The following VTI1A variants were observed in gnomAD, a reference collection of about 807,000 sequenced individuals.
The protein encoded by VTI1A is vesicle transport through interaction with t-SNAREs homolog 1A.
Under a neutral mutation model 34.9 loss-of-function variants are expected in VTI1A, and 22 were observed. The observed-to-expected ratio is 0.63, with a 90% CI of 0.45 to 0.90. VTI1A has a LOEUF of 0.90. Among genes scored for constraint, VTI1A ranks in the 40% least tolerant of loss-of-function variants. VTI1A has a pLI of 0.00. For missense variants in VTI1A, 268 were observed against 275.6 expected (o/e 0.97, Z 0.20); for synonymous variants, 87 against 97.3 (o/e 0.89, Z 0.62).
intron 5 of VTI1A, among the ~76,000 whole-genome samples, chr10:112,612,298 G>T (rs1845348373): frequency 6.6e-6 from 1 of 152,142 alleles, no homozygotes; most frequent in Non-Finnish European, 1.5e-5. Context: ...TAGAACAATA[G>T]TTTTCAGTCT....
chr10:112,588,230 C>G (rs918093493), intron 5 of VTI1A, among the ~76,000 whole-genome samples: 8 of 151,598 alleles, frequency 5.3e-5, no homozygotes, highest in African/African-American at 1.9e-4. Context: ...TGGCCTAGAG[C>G]AAAAAGCAAT....
chr10:112,527,204 G>A (rs1459963608), intron 4 of VTI1A, 40 bp downstream of exon 4: 1 of 1,588,020 alleles, frequency 6.3e-7, no homozygotes, highest in Non-Finnish European at 8.6e-7. Context: ...GTGGCTGGAG[G>A]GTGAAGGAGG....
chr10:112,447,030 TCC>T, upstream of VTI1A: 6 of 286,558 alleles, frequency 2.1e-5, no homozygotes, highest in Admixed American at 8.5e-5. Context: ...CGGAGCCGAT[TCC>T]CAGAACACGA....
chr10:112,566,149 A>G lies in VTI1A; in HGVS notation c.427+27819A>G, dbSNP rs180743528. Among the ~76,000 whole-genome samples the G allele has an allele frequency of 1.7e-4, 26 of 152,226 alleles. No individual in the cohort carries two copies. The East Asian group carries it at 3.1e-3, about 18-fold the overall frequency. On this transcript the variant is annotated intron_variant, in intron 5 of 7. Transcript: ENST00000393077. ...AGAAATTTGTGAAGTCAAAATTAGT[A>G]TGTTTTTTTCTAATGAAAGATATGA...
At chr10:112,744,759 C>T (rs1008993309) in intron 7 of VTI1A, among the ~76,000 whole-genome samples, 3 of 152,262 alleles carry the variant, frequency 2.0e-5, no homozygotes, top group East Asian at 1.9e-4. Context: ...ATTGCACTTT[C>T]GATGTTGTCC....
At chr10:112,708,893 C>T (rs1326944127) in intron 7 of VTI1A, among the ~76,000 whole-genome samples, 2 of 152,204 alleles carry the variant, frequency 1.3e-5, no homozygotes, top group African/African-American at 2.4e-5. Context: ...CGTAGTTACA[C>T]AGTCTGTCTC....
intron 5 of VTI1A, among the ~76,000 whole-genome samples, chr10:112,657,429 A>G (rs1294337542): frequency 1.3e-5 from 2 of 152,178 alleles, no homozygotes; most frequent in Non-Finnish European, 2.9e-5. Context: ...TTTTAAATTT[A>G]TGAGTCAGTG....
intron 5 of VTI1A, among the ~76,000 whole-genome samples, chr10:112,638,789 C>A (rs775675141): frequency 2.9e-5 from 4 of 139,898 alleles, no homozygotes; most frequent in Non-Finnish European, 6.2e-5. Flanking sequence ...TTACCATTTC[C>A]TTCTGGCTTA....
At chr10:112,601,008 A>G (rs1479047025) in intron 5 of VTI1A, among the ~76,000 whole-genome samples, 9 of 152,214 alleles carry the variant, frequency 5.9e-5, no homozygotes, top group Admixed American at 1.3e-4. Context: ...TTGGACTGAC[A>G]GGTGTAAGTT....
chr10:112,473,710 C>T (rs1460208758), intron 3 of VTI1A, among the ~76,000 whole-genome samples: 12 of 152,152 alleles, frequency 7.9e-5, no homozygotes, highest in Non-Finnish European at 1.8e-4. Context: ...CTCATCAAAT[C>T]ACTTGTGTTC....
intron 5 of VTI1A, among the ~76,000 whole-genome samples, chr10:112,540,358 C>A (rs902499767): frequency 6.6e-6 from 1 of 152,138 alleles, no homozygotes; most frequent in Non-Finnish European, 1.5e-5. Context: ...TCCCTTTGGA[C>A]TTTTTAGTAA....
chr10:112,779,159 C>T (rs773705400), intron 7 of VTI1A, among the ~76,000 whole-genome samples: 44 of 152,154 alleles, frequency 2.9e-4, no homozygotes, highest in Non-Finnish European at 5.1e-4. Flanking sequence ...AATATTTCAT[C>T]TTGAGATTTC....
At chr10:112,760,593 A>G (rs1489873896) in intron 7 of VTI1A, among the ~76,000 whole-genome samples, 1 of 152,172 alleles carries the variant, frequency 6.6e-6, no homozygotes, top group Admixed American at 6.5e-5. Flanking sequence ...ATTTTATTTT[A>G]TTATAAGAAA....
chr10:112,464,466 T>A, intron 2 of VTI1A, 81 bp from the exon 3 acceptor site: 2 of 1,266,470 alleles, frequency 1.6e-6, no homozygotes, highest in Non-Finnish European at 2.2e-6. Context: ...GGAACTGGAA[T>A]TAGATCCTTT....
intron 5 of VTI1A, among the ~76,000 whole-genome samples, chr10:112,650,102 A>G (rs1392925512): frequency 6.6e-6 from 1 of 152,236 alleles, no homozygotes; most frequent in East Asian, 1.9e-4. Context: ...GTTTTACTTT[A>G]TAAGATTTTT....
At chr10:112,687,036 A>C (rs543557826) in intron 7 of VTI1A, among the ~76,000 whole-genome samples, 1 of 152,058 alleles carries the variant, frequency 6.6e-6, no homozygotes, top group East Asian at 1.9e-4. Flanking sequence ...CTGTTCCCTC[A>C]GCTCTGCTGA....
chr10:112,480,997 T>C (rs1848443747), intron 3 of VTI1A, among the ~76,000 whole-genome samples: 1 of 152,138 alleles, frequency 6.6e-6, no homozygotes, highest in Admixed American at 6.5e-5. Flanking sequence ...ATTGGTTAAG[T>C]TGAGCAGCTC....
chr10:112,462,306 ATGT>A (rs1454005669), intron 2 of VTI1A, among the ~76,000 whole-genome samples: 1 of 152,238 alleles, frequency 6.6e-6, no homozygotes, highest in Non-Finnish European at 1.5e-5. Flanking sequence ...GGCCACATAA[ATGT>A]TGTGACAACA....
At chr10:112,699,856 C>T (rs1848934100) in intron 7 of VTI1A, among the ~76,000 whole-genome samples, 2 of 147,880 alleles carry the variant, frequency 1.4e-5, no homozygotes, top group Admixed American at 6.8e-5. Context: ...CATGGTGGCT[C>T]ACACCTGTAA....
Sources: allele counts gnomAD v4.1 joint callset (sites outside exome capture counted in the v4.1 genomes callset), GRCh38; gene constraint gnomAD v4.1.1; transcripts MANE v1.5; gene names NCBI Gene and HGNC (gene_info 2026-07-23, HGNC 2026-07-21).